The following BDKRB2 variants were observed in gnomAD, a reference collection of about 807,000 sequenced individuals.
BDKRB2 encodes B2 bradykinin receptor.
Under a neutral mutation model 4.0 loss-of-function variants are expected in BDKRB2, and 6 were observed. The ratio of observed to expected loss-of-function variants is 1.49; its 90% CI spans 0.81 to 2.93. The LOEUF is 2.93. Among genes scored for constraint, BDKRB2 ranks in the 30% most tolerant of loss-of-function variants. The pLI is 0.00. For synonymous variants in BDKRB2, 225 were observed against 215.3 expected (o/e 1.05, Z -0.40); for missense variants, 478 against 520.1 (o/e 0.92, Z 0.79).
chr14:96,237,976 A>C, intron 2 of BDKRB2: 3 of 1,185,226 alleles, frequency 2.5e-6, no homozygotes, highest in Non-Finnish European at 3.2e-6. Context: ...GTATGCAGGA[A>C]ATGGGTTTTC....
intron 1 of BDKRB2, among the ~76,000 whole-genome samples, chr14:96,236,643 T>G (rs1890941596): frequency 1.3e-5 from 2 of 152,214 alleles, no homozygotes; most frequent in South Asian, 4.1e-4. Flanking sequence ...CCTGACTTCC[T>G]GAGCAGCAGC....
intron 2 of BDKRB2, chr14:96,238,234 TC>T (rs1373452789): frequency 9.6e-6 from 5 of 518,392 alleles, no homozygotes; most frequent in Non-Finnish European, 1.2e-5. Context: ...GCAAGTTGGT[TC>T]CCCCCATGTG....
chr14:96,224,958 C>T (rs1299764072), intron 1 of BDKRB2, among the ~76,000 whole-genome samples: 3 of 152,186 alleles, frequency 2.0e-5, no homozygotes, highest in Non-Finnish European at 4.4e-5. Context: ...GGCCAGGACC[C>T]AGGATCTTCA....
At chr14:96,209,216 CTCAA>C (rs1477534315) in intron 1 of BDKRB2, among the ~76,000 whole-genome samples, 1 of 152,188 alleles carries the variant, frequency 6.6e-6, no homozygotes, top group East Asian at 1.9e-4. Flanking sequence ...TGCGGCAAAT[CTCAA>C]TCAATCAAGG....
intron 1 of BDKRB2, among the ~76,000 whole-genome samples, chr14:96,230,782 A>G (rs1890801789): frequency 1.3e-5 from 2 of 152,108 alleles, no homozygotes; most frequent in Non-Finnish European, 1.5e-5. Context: ...ATGCCCAGCT[A>G]ATTTTTGTAT....
At chr14:96,232,314 G>C (rs555814246) in intron 1 of BDKRB2, among the ~76,000 whole-genome samples, 1 of 152,356 alleles carries the variant, frequency 6.6e-6, no homozygotes, top group South Asian at 2.1e-4. Context: ...ACGAGCTCTA[G>C]AGAGGAGGAC....
At chr14:96,229,628 G>T (rs1242034281) in intron 1 of BDKRB2, among the ~76,000 whole-genome samples, 1 of 152,042 alleles carries the variant, frequency 6.6e-6, no homozygotes, top group African/African-American at 2.4e-5. Flanking sequence ...CTGTCATCCA[G>T]CCAGGTGGAC....
chr14:96,209,380 C>T (rs1259527151), intron 1 of BDKRB2, among the ~76,000 whole-genome samples: 1 of 152,160 alleles, frequency 6.6e-6, no homozygotes, highest in African/African-American at 2.4e-5. Context: ...CTGACTGAAG[C>T]AGGTCTCAAT....
rs192305067 is a variant in BDKRB2 at position 96,241,628 on chromosome 14, G to A, written c.*124G>A. On this transcript the variant is annotated 3_prime_UTR_variant, in exon 3 of 3. Coordinates refer to ENST00000554311, the MANE Select transcript of BDKRB2 (RefSeq NM_001379692.1). ...CCTTGGGAAATGAGTTGATGTCTCC[G>A]GTAAAACACCGGAGACTAATTCCTG... is the stretch of plus-strand genomic sequence containing the variant. The A allele has an allele frequency of 1.7e-4, 237 of 1,401,634 alleles. No individual in the cohort carries two copies. In the African/African-American group the frequency reaches 2.9e-3, roughly 17 times the overall value. 86.8% of individuals were successfully genotyped at this position (1,401,634 alleles called of 1,614,324 possible). A position where few individuals can be genotyped will look rare whatever the true frequency, so the allele number is the denominator to read the frequency against.
intron 2 of BDKRB2, 122 bp from the exon 3 acceptor site, chr14:96,240,281 G>A (rs1190678245): frequency 1.5e-6 from 2 of 1,340,516 alleles, no homozygotes; most frequent in Non-Finnish European, 1.9e-6. Context: ...AACAGCCTGA[G>A]CTCCACCTCG....
chr14:96,205,489 G>T, intron 1 of BDKRB2, among the ~76,000 whole-genome samples: 1 of 151,892 alleles, frequency 6.6e-6, no homozygotes, highest in Non-Finnish European at 1.5e-5. Context: ...AGCAGGCGGG[G>T]GTGGGGGGGT....
intron 1 of BDKRB2, among the ~76,000 whole-genome samples, chr14:96,232,912 GT>G (rs1481936738): frequency 2.6e-5 from 4 of 152,174 alleles, no homozygotes; most frequent in African/African-American, 9.7e-5. Context: ...CGAGTTCTTG[GT>G]TGGGGGCCCT....
At position 96,242,752 on chromosome 14, in the gene BDKRB2, C is replaced by G. The variant is rs199724175; in HGVS notation, c.*1248C>G. On this transcript the variant is annotated 3_prime_UTR_variant, in exon 3 of 3. Transcript: ENST00000554311. ...TCACAGTGCTGAGACCCCCCACCAC[C>G]AGCCGGTACCTGGGAAGGGGGAGAG... The G allele has an allele frequency of 2.0e-5, 3 of 152,484 alleles. No individual in the cohort carries two copies. Among genetic ancestry groups the G allele is most frequent in the African/African-American group, 4.8e-5 (2 of 41,580 alleles). 9.4% of individuals were successfully genotyped at this position (152,484 alleles called of 1,614,324 possible).
chr14:96,239,857 AG>A, intron 2 of BDKRB2: 5 of 985,530 alleles, frequency 5.1e-6, no homozygotes, highest in Non-Finnish European at 6.0e-6. Flanking sequence ...CTTTGCTGAT[AG>A]AAGGTACGGA....
At chr14:96,218,782 G>T (rs2139775765) in intron 1 of BDKRB2, among the ~76,000 whole-genome samples, 1 of 152,112 alleles carries the variant, frequency 6.6e-6, no homozygotes, top group Admixed American at 6.5e-5. Flanking sequence ...AGCCAGGTGT[G>T]GTAGCTCATG....
Position 96,243,271 on chromosome 14 carries a change from G to A in BDKRB2, c.*1767G>A, listed in dbSNP as rs1310310561. The A allele has an allele frequency of 6.8e-6, 1 of 147,512 alleles. No homozygotes were observed. The highest frequency in any genetic ancestry group is 2.5e-5 in the African/African-American group (1 of 39,402). The allele number at this position is 147,512 out of a possible 1,614,324, so 9.1% of individuals were successfully genotyped here. ...AACCTAGAAGGGCTAGAACCTGGAG[G>A]GCTGGAATCTGGAGAGCTAGAACCT... On this transcript the variant is annotated 3_prime_UTR_variant, in exon 3 of 3. Coordinates refer to ENST00000554311, the MANE Select transcript of BDKRB2 (RefSeq NM_001379692.1).
intron 1 of BDKRB2, among the ~76,000 whole-genome samples, chr14:96,212,297 A>G (rs1409377338): frequency 6.6e-6 from 1 of 152,244 alleles, no homozygotes; most frequent in Non-Finnish European, 1.5e-5. Context: ...AGAAACAACT[A>G]ACTATAAGAA....
chr14:96,232,378 CCGTCCGTAATGCA>C lies in BDKRB2; in HGVS notation c.-39-4687_-39-4675del, dbSNP rs1890838023. ...TCGGCCTAACCGCCAGGCTGGCTTC[CCGTCCGTAATGCA>C]CGTTTCCAGCTAGAGGCTTTCAGGC... On this transcript the variant is annotated intron_variant, in intron 1 of 2. Coordinates refer to ENST00000554311, the MANE Select transcript of BDKRB2 (RefSeq NM_001379692.1). Among the ~76,000 whole-genome samples, 3 of 152,242 alleles carry C rather than the reference CCGTCCGTAATGCA, an allele frequency of 2.0e-5. No homozygotes were observed. In the South Asian group the frequency reaches 6.2e-4, roughly 31 times the overall value.
intron 1 of BDKRB2, among the ~76,000 whole-genome samples, chr14:96,217,152 C>T (rs1366940030): frequency 3.3e-5 from 5 of 152,216 alleles, no homozygotes; most frequent in Non-Finnish European, 7.3e-5. Flanking sequence ...ACCAGAGATT[C>T]AGATAAGCAA....
Sources: gnomAD v4.1 joint callset for allele counts (sites outside exome capture counted in the v4.1 genomes callset) on GRCh38, gnomAD v4.1.1 for gene constraint, MANE v1.5 for transcripts, NCBI Gene and HGNC (gene_info 2026-07-23, HGNC 2026-07-21) for gene names.